Variants in RGS6 observed in about 807,000 individuals in gnomAD.
The protein encoded by RGS6 is regulator of G protein signaling 6.
In RGS6, 30 loss-of-function variants were observed where a neutral mutation model predicts 78.5. The ratio of observed to expected loss-of-function variants is 0.38; its 90% confidence interval spans 0.29 to 0.52. The LOEUF is 0.52. Among genes scored for constraint, RGS6 ranks in the 20% least tolerant of loss-of-function variants. RGS6 has a pLI of 0.85. For missense variants in RGS6, 495 were observed against 609.7 expected (o/e 0.81, Z 1.98); for synonymous variants, 206 against 206.0 (o/e 1.00, Z 0.00).
intron 2 of RGS6, among the ~76,000 whole-genome samples, chr14:72,152,425 A>C (rs2096708246): frequency 6.6e-6 from 1 of 152,116 alleles, no homozygotes; most frequent in South Asian, 2.1e-4. Context: ...AAATCACTGG[A>C]GCAATTAAAG....
At chr14:72,442,218 T>C (rs947756279) in intron 3 of RGS6, among the ~76,000 whole-genome samples, 6 of 152,108 alleles carry the variant, frequency 3.9e-5, no homozygotes, top group Non-Finnish European at 5.9e-5. Flanking sequence ...TTTGCCCTTC[T>C]AGGACTCTTT....
chr14:71,989,048 C>T (rs2094843303), intron 2 of RGS6, among the ~76,000 whole-genome samples: 2 of 152,202 alleles, frequency 1.3e-5, no homozygotes, highest in African/African-American at 2.4e-5. Context: ...GGATATTCCA[C>T]TTGCTGGCTG....
chr14:72,374,083 C>G (rs1266250699), intron 3 of RGS6, among the ~76,000 whole-genome samples: 1 of 151,980 alleles, frequency 6.6e-6, no homozygotes, highest in African/African-American at 2.4e-5. Context: ...CCAACTGTAT[C>G]TACATTTATT....
At chr14:72,568,389 G>C (rs2097716469), downstream of RGS6, among the ~76,000 whole-genome samples, 1 of 152,222 alleles carries the variant, frequency 6.6e-6, no homozygotes, top group Non-Finnish European at 1.5e-5. Context: ...GCGGTGAAGG[G>C]AGGGTATGTT....
At chr14:72,325,164 A>G (rs1196893549) in intron 2 of RGS6, among the ~76,000 whole-genome samples, 3 of 152,174 alleles carry the variant, frequency 2.0e-5, no homozygotes, top group Admixed American at 1.3e-4. Flanking sequence ...TTCGAGAAGT[A>G]TCTGTTCATA....
chr14:71,910,478 G>C, the RGS6 span, among the ~76,000 whole-genome samples: 7 of 152,192 alleles, frequency 4.6e-5, no homozygotes, highest in Non-Finnish European at 8.8e-5. Flanking sequence ...ATAAGCCAGT[G>C]TTCTAAGTCA....
intron 3 of RGS6, among the ~76,000 whole-genome samples, chr14:72,442,705 A>G (rs2095248813): frequency 1.3e-5 from 2 of 152,202 alleles, no homozygotes; most frequent in Admixed American, 1.3e-4. Flanking sequence ...CTCAGACTGC[A>G]CTTCTATCGT....
chr14:72,458,474 G>A lies in RGS6; in HGVS notation c.342+97G>A, dbSNP rs989569536. 6 of 930,868 alleles carry A rather than the reference G, an allele frequency of 6.4e-6. No homozygotes were observed. The African/African-American group carries it at 6.5e-5, about 10-fold the overall frequency. 57.7% of individuals were successfully genotyped at this position (930,868 alleles called of 1,614,324 possible). On this transcript the variant is annotated intron_variant, in intron 5 of 17. Transcript: ENST00000553525. ...AAAGAAAACCTAGGGATATCTGAGG[G>A]AGTAGCCCTCACTCCTCATCAGCAC...
intron 3 of RGS6, among the ~76,000 whole-genome samples, chr14:72,449,166 G>T (rs1218575525): frequency 6.6e-6 from 1 of 152,202 alleles, no homozygotes; most frequent in Admixed American, 6.5e-5. Flanking sequence ...AGTATGGTGA[G>T]TTCACTCATG....
intron 2 of RGS6, among the ~76,000 whole-genome samples, chr14:72,036,843 T>C (rs1288894960): frequency 2.0e-5 from 3 of 152,208 alleles, no homozygotes; most frequent in African/African-American, 7.2e-5. Flanking sequence ...GATTTATTTT[T>C]TCTGTTATAG....
chr14:71,926,933 T>C, the RGS6 span, among the ~76,000 whole-genome samples: 1 of 152,248 alleles, frequency 6.6e-6, no homozygotes, highest in Non-Finnish European at 1.5e-5. Context: ...TGTCATTGAT[T>C]CTAATCAACT....
chr14:72,237,871 C>T (rs973830009), intron 2 of RGS6, among the ~76,000 whole-genome samples: 14 of 152,154 alleles, frequency 9.2e-5, no homozygotes, highest in African/African-American at 1.7e-4. Context: ...TGTGTTACAA[C>T]GCTCATAGCA....
At chr14:72,163,126 C>G (rs140031089) in intron 2 of RGS6, among the ~76,000 whole-genome samples, 45 of 152,210 alleles carry the variant, frequency 3.0e-4, no homozygotes, top group African/African-American at 1.0e-3. Context: ...GGATGCACCA[C>G]GGTCTCACAA....
chr14:72,540,489 C>CG lies in RGS6; in HGVS notation c.1422+396dup, dbSNP rs536567161. ...AAATTGGCTCAGAACCATAGCTCAT[C>CG]GAAAAAAAAAAAAAAAGCCAAAATT... On this transcript the variant is annotated intron_variant, in intron 17 of 17. Transcript: ENST00000553525. The CG allele has an allele frequency of 4.0e-4, 605 of 1,525,110 alleles. 1 individual carries two copies. In the African/African-American group the frequency reaches 7.8e-3, roughly 20 times the overall value. The allele number at this position is 1,525,110 out of a possible 1,614,324, so 94.5% of individuals were successfully genotyped here. A position where few individuals can be genotyped will look rare whatever the true frequency, so the allele number is the denominator to read the frequency against.
the RGS6 span, among the ~76,000 whole-genome samples, chr14:72,584,255 C>G: frequency 6.6e-6 from 1 of 152,160 alleles, no homozygotes; most frequent in Non-Finnish European, 1.5e-5. Context: ...ATATTGAACA[C>G]CCATGTGCCA....
At chr14:72,243,916 A>G (rs847253) in intron 2 of RGS6, among the ~76,000 whole-genome samples, 150,423 of 152,358 alleles carry the variant, frequency 0.99, 74,265 homozygotes, top group East Asian at 1. Context: ...CATGGACCAG[A>G]AATGTTACTC....
chr14:72,573,083 C>G, the RGS6 span, among the ~76,000 whole-genome samples: 6 of 152,286 alleles, frequency 3.9e-5, no homozygotes, highest in Middle Eastern at 3.4e-3. Context: ...GTGCCAAAGA[C>G]AGGATCAGGA....
At chr14:72,024,581 C>T in intron 2 of RGS6, among the ~76,000 whole-genome samples, 1 of 152,060 alleles carries the variant, frequency 6.6e-6, no homozygotes. Context: ...AACTTGGTAC[C>T]CCTGTGTATT....
chr14:72,488,105 A>G (rs768348495), intron 12 of RGS6, among the ~76,000 whole-genome samples: 1 of 152,174 alleles, frequency 6.6e-6, no homozygotes, highest in Non-Finnish European at 1.5e-5. Context: ...GACTTTATTT[A>G]TGTAACTTAA....
Sources: gnomAD v4.1 joint callset for allele counts (sites outside exome capture counted in the v4.1 genomes callset) on GRCh38, gnomAD v4.1.1 for gene constraint, MANE v1.5 for transcripts, NCBI Gene and HGNC (gene_info 2026-07-23, HGNC 2026-07-21) for gene names.